ATP13A4: variants seen among roughly 807,000 people sequenced by gnomAD.
The protein encoded by ATP13A4 is ATPase 13A4, also known as probable cation-transporting ATPase 13A4.
In ATP13A4, 114 loss-of-function variants were observed where a neutral mutation model predicts 142.5. The observed-to-expected ratio is 0.80, with a 90% CI of 0.69 to 0.93. ATP13A4 has a LOEUF of 0.93. Ranked by LOEUF, ATP13A4 falls within the 40% of genes least tolerant of loss-of-function variation. The probability of loss-of-function intolerance (pLI) is 0.00; values close to 1 mark genes in which losing one functional copy is unlikely to be tolerated. For missense variants in ATP13A4, 1,392 were observed against 1,454.0 expected, an observed-to-expected ratio of 0.96 and a Z score of 0.69; for synonymous variants, 488 against 514.8, an observed-to-expected ratio of 0.95 and a Z score of 0.70.
At chr3:193,558,427 T>C (rs536920076), upstream of ATP13A4, among the ~76,000 whole-genome samples, 3 of 152,342 alleles carry the variant, frequency 2.0e-5, no homozygotes, top group East Asian at 1.9e-4. Context: ...CATTCACTCA[T>C]TCACTTAGCA....
chr3:193,493,382 A>G (rs1012824296), intron 3 of ATP13A4, among the ~76,000 whole-genome samples: 1 of 152,168 alleles, frequency 6.6e-6, no homozygotes, highest in Non-Finnish European at 1.5e-5. Context: ...GACCTACTAT[A>G]TAGAAAAATA....
chr3:193,506,035 T>C (rs1227765000), intron 2 of ATP13A4, among the ~76,000 whole-genome samples: 1 of 152,210 alleles, frequency 6.6e-6, no homozygotes, highest in East Asian at 1.9e-4. Context: ...CAACAAATGG[T>C]ATGGCTCTGT....
chr3:193,578,542 C>G (rs902123417), intron 2 of ATP13A4, among the ~76,000 whole-genome samples: 1 of 152,022 alleles, frequency 6.6e-6, no homozygotes, highest in Non-Finnish European at 1.5e-5. Flanking sequence ...GACACCATGA[C>G]AGTTGGTAAA....
At chr3:193,490,293 G>A (rs1719875538) in intron 6 of ATP13A4, among the ~76,000 whole-genome samples, 2 of 152,196 alleles carry the variant, frequency 1.3e-5, no homozygotes, top group Non-Finnish European at 2.9e-5. Context: ...AGTTATTTAA[G>A]GAGTAGATGT....
rs1054201059 is a variant in ATP13A4 at position 193,413,359 on chromosome 3, A to G, written c.3015-988T>C. ...CTATTGTACAAATTGATTGTAAAAC[A>G]TGTGTGTTTGAACAATATGAAATCA... is the stretch of plus-strand genomic sequence containing the variant. On this transcript the variant is annotated intron_variant, in intron 26 of 29. Transcript: ENST00000342695. Among the ~76,000 whole-genome samples the G allele has an allele frequency of 6.6e-5, 10 of 152,314 alleles. No homozygotes were observed. The East Asian group carries it at 1.7e-3, about 26-fold the overall frequency.
chr3:193,583,029 A>T lies in ATP13A4; in HGVS notation n.92-1123T>A, dbSNP rs556010286. ...ATATGTATATTATATAGATATAAAA[A>T]ATATATATGTATAACAATGAAAACC... On this transcript the variant is annotated intron_variant and non_coding_transcript_variant, in intron 1 of 3. Transcript: ENST00000489140. 1.0e-3 allele frequency among the ~76,000 whole-genome samples: 144 copies of T among 144,420 alleles called. 1 individual carries two copies. Among genetic ancestry groups the T allele is most frequent in the South Asian group, 3.2e-3 (15 of 4,700 alleles). The allele number at this position is 144,420 out of a possible 152,430, so 94.7% of individuals were successfully genotyped here.
intron 1 of ATP13A4, among the ~76,000 whole-genome samples, chr3:193,587,609 T>C (rs955872511): frequency 6.6e-6 from 1 of 152,190 alleles, no homozygotes; most frequent in Non-Finnish European, 1.5e-5. Context: ...AGAAACACAA[T>C]TTGCTTACAT....
intron 2 of ATP13A4, among the ~76,000 whole-genome samples, chr3:193,512,632 A>C (rs1721202060): frequency 6.6e-6 from 1 of 152,198 alleles, no homozygotes; most frequent in South Asian, 2.1e-4. Context: ...AAATCTAATG[A>C]ACTAGAATCT....
intron 29 of ATP13A4, among the ~76,000 whole-genome samples, chr3:193,404,467 T>C (rs1714395515): frequency 6.6e-6 from 1 of 152,082 alleles, no homozygotes; most frequent in African/African-American, 2.4e-5. Context: ...TCCATCCAAA[T>C]CTCGTGCTGA....
intron 12 of ATP13A4, 134 bp downstream of exon 12, chr3:193,464,806 G>T: frequency 1.1e-6 from 1 of 930,208 alleles, no homozygotes; most frequent in Non-Finnish European, 1.7e-6. Context: ...CCCAGATCAT[G>T]CATCTAACCA....
chr3:193,436,704 G>A (rs1010100634), intron 23 of ATP13A4, among the ~76,000 whole-genome samples: 23 of 151,038 alleles, frequency 1.5e-4, no homozygotes, highest in Admixed American at 1.3e-3. Flanking sequence ...CACCCACCTC[G>A]GCCTCCCAAA....
upstream of ATP13A4, chr3:193,554,947 C>T (rs544536261): frequency 3.4e-4 from 542 of 1,587,426 alleles, 1 homozygote; most frequent in Non-Finnish European, 3.9e-4. Flanking sequence ...CACACACCTT[C>T]TCTCAACAAA....
intron 25 of ATP13A4, 53 bp downstream of exon 25, chr3:193,433,792 G>T: frequency 7.5e-7 from 1 of 1,328,660 alleles, no homozygotes; most frequent in South Asian, 1.2e-5. Context: ...CCAAGGCAGA[G>T]GGAGGGCAGC....
At chr3:193,415,401 A>G (rs1314417004) in intron 25 of ATP13A4, among the ~76,000 whole-genome samples, 2 of 152,230 alleles carry the variant, frequency 1.3e-5, no homozygotes, top group African/African-American at 2.4e-5. Context: ...AAAACAGAAA[A>G]GTATACTGCA....
intron 8 of ATP13A4, among the ~76,000 whole-genome samples, chr3:193,477,813 C>T (rs1020094155): frequency 1.3e-5 from 2 of 151,958 alleles, no homozygotes; most frequent in African/African-American, 4.8e-5. Flanking sequence ...CAGGGGAGAG[C>T]CACGAAGATC....
intron 1 of ATP13A4, among the ~76,000 whole-genome samples, chr3:193,517,484 A>G (rs1025872134): frequency 6.6e-6 from 1 of 152,042 alleles, no homozygotes; most frequent in African/African-American, 2.4e-5. Flanking sequence ...GTTTTGTTTT[A>G]TTTTATTTTA....
At chr3:193,522,700 G>A (rs371436343) in intron 1 of ATP13A4, among the ~76,000 whole-genome samples, 48 of 152,266 alleles carry the variant, frequency 3.2e-4, no homozygotes, top group African/African-American at 1.0e-3. Context: ...AGACAGGTTC[G>A]TAGGTTCCCC....
In ATP13A4 at chr3:193,466,078, C is replaced by A. The variant is rs1160120685; in HGVS notation, c.1219G>T (p.Gly407Ter). Residue 407 changes from glycine to a stop codon, truncating the protein, a stop_gained, in exon 11 of 30, where the codon GGA (glycine) becomes TGA (stop). Coordinates refer to ENST00000342695, the MANE Select transcript of ATP13A4 (RefSeq NM_032279.4). LOFTEE classifies it high-confidence loss of function. ...DAIRFLLCLV[G>*]TATIGMIYTL... ...TAGATCATCCCAATGGTGGCTGTTC[C>A]TACAAGGCACAGGAGGAACCTGATG... is the stretch of plus-strand genomic sequence containing the variant. 3.7e-6 allele frequency: 6 copies of A among 1,614,062 alleles called. No homozygotes were observed. Among genetic ancestry groups the A allele is most frequent in the African/African-American group, 1.3e-5 (1 of 74,916 alleles).
rs1038754533 is a variant in ATP13A4 at position 193,399,867 on chromosome 3, A to G, written c.*2785T>C. ...TCTCAAAAAAAAAAAAAAAAAAAAA[A>G]GGTTCACATCACAGCATAAGACTGA... On this transcript the variant is annotated 3_prime_UTR_variant, in exon 30 of 30. Coordinates refer to ENST00000342695, the MANE Select transcript of ATP13A4 (RefSeq NM_032279.4). Among the ~76,000 whole-genome samples, 11 of 146,394 alleles carry G rather than the reference A, an allele frequency of 7.5e-5. No individual in the cohort carries two copies. The highest frequency in any genetic ancestry group is 2.0e-4 in the African/African-American group (8 of 39,922).
Sources: gnomAD v4.1 joint callset for allele counts (sites outside exome capture counted in the v4.1 genomes callset) on GRCh38, gnomAD v4.1.1 for gene constraint, MANE v1.5 for transcripts, NCBI Gene and HGNC (gene_info 2026-07-23, HGNC 2026-07-21) for gene names.